The following ARPP21 variants were observed in gnomAD, a reference collection of about 807,000 sequenced individuals.
The protein encoded by ARPP21 is cAMP-regulated phosphoprotein 21.
In ARPP21, 69 loss-of-function variants were observed where a neutral mutation model predicts 113.2. The ratio of observed to expected loss-of-function variants is 0.61; its 90% CI spans 0.50 to 0.74. The LOEUF (loss-of-function observed/expected upper bound fraction) is 0.74, where lower values mean the gene tolerates loss of function less well. Among genes scored for constraint, ARPP21 ranks in the 30% least tolerant of loss-of-function variants. ARPP21 has a pLI of 0.00. For missense variants in ARPP21, 1,070 were observed against 1,037.4 expected, an observed-to-expected ratio of 1.03 and a Z score of -0.43; for synonymous variants, 368 against 375.5, an observed-to-expected ratio of 0.98 and a Z score of 0.23.
intron 11 of ARPP21, among the ~76,000 whole-genome samples, chr3:35,713,695 G>T (rs553211133): frequency 1.3e-5 from 2 of 152,198 alleles, no homozygotes; most frequent in South Asian, 4.2e-4. Flanking sequence ...CTTTGGCATG[G>T]GCAAGGTATC....
intron 19 of ARPP21, among the ~76,000 whole-genome samples, chr3:35,760,645 G>A (rs2095737824): frequency 6.6e-6 from 1 of 152,048 alleles, no homozygotes; most frequent in African/African-American, 2.4e-5. Context: ...GGAAGAATTT[G>A]GAGGCATTGT....
intron 1 of ARPP21, among the ~76,000 whole-genome samples, chr3:35,648,501 G>T (rs1337501138): frequency 6.6e-6 from 1 of 152,154 alleles, no homozygotes; most frequent in Admixed American, 6.5e-5. Context: ...TCACCAAGGG[G>T]TCCTTGGCAC....
chr3:35,778,748 C>T (rs752816440), intron 19 of ARPP21, among the ~76,000 whole-genome samples: 16 of 88,472 alleles, frequency 1.8e-4, no homozygotes, highest in East Asian at 3.2e-4. Context: ...TGGTCTGAAA[C>T]GATCTACACA....
chr3:35,777,476 T>C (rs963522963), intron 19 of ARPP21, among the ~76,000 whole-genome samples: 38 of 152,212 alleles, frequency 2.5e-4, no homozygotes, highest in Middle Eastern at 3.2e-3. Context: ...CAAAAATTCC[T>C]TAGATTTAAA....
At chr3:35,771,690 G>T (rs931645623) in intron 19 of ARPP21, among the ~76,000 whole-genome samples, 2 of 152,120 alleles carry the variant, frequency 1.3e-5, no homozygotes, top group African/African-American at 4.8e-5. Flanking sequence ...CATTTCTTAG[G>T]CACCTATTGT....
intron 19 of ARPP21, among the ~76,000 whole-genome samples, 185 bp downstream of exon 19, chr3:35,744,150 A>T (rs2094860918): frequency 6.6e-6 from 1 of 152,230 alleles, no homozygotes; most frequent in Non-Finnish European, 1.5e-5. Flanking sequence ...GGTGAAGCAT[A>T]TGTCAGACTA....
At chr3:35,788,342 T>C (rs2096673782) in intron 19 of ARPP21, among the ~76,000 whole-genome samples, 1 of 152,194 alleles carries the variant, frequency 6.6e-6, no homozygotes, top group African/African-American at 2.4e-5. Context: ...GGAGAAATAT[T>C]CGTATCTTGT....
intron 18 of ARPP21, among the ~76,000 whole-genome samples, chr3:35,741,989 G>A (rs2094692720): frequency 6.6e-6 from 1 of 151,832 alleles, no homozygotes; most frequent in Admixed American, 6.6e-5. Flanking sequence ...TATCACAGAA[G>A]CTATGTCTGG....
chr3:35,654,761 G>A (rs1575466077), intron 1 of ARPP21, among the ~76,000 whole-genome samples: 1 of 152,048 alleles, frequency 6.6e-6, no homozygotes, highest in East Asian at 1.9e-4. Context: ...AGGAAGTGGT[G>A]AGGATAACGG....
At chr3:35,739,722 A>G in intron 18 of ARPP21, 145 bp downstream of exon 18, 1 of 1,165,718 alleles carries the variant, frequency 8.6e-7, no homozygotes, top group Non-Finnish European at 1.2e-6. Flanking sequence ...GAAGTAGTAT[A>G]TTTTTTCATG....
chr3:35,780,987 A>G lies in ARPP21; in HGVS notation c.2138-11395A>G, dbSNP rs564430183. Among the ~76,000 whole-genome samples the G allele has an allele frequency of 7.2e-5, 11 of 152,192 alleles. No individual in the cohort carries two copies. In the South Asian group the frequency reaches 8.3e-4, roughly 11 times the overall value. ...GACCTGGCTGGGTGTGAATGGGCCT[A>G]CTATAGCACCCCTCAGTGAGTAGCC... On this transcript the variant is annotated intron_variant, in intron 19 of 20. Transcript: ENST00000684406.
At chr3:35,684,310 G>A (rs906628064) in intron 5 of ARPP21, 3 of 1,100,280 alleles carry the variant, frequency 2.7e-6, no homozygotes, top group Non-Finnish European at 3.3e-6. Flanking sequence ...CTTTGGTGGA[G>A]ATTTCTCAAT....
chr3:35,748,371 GGAAA>G (rs1384810994), intron 19 of ARPP21, among the ~76,000 whole-genome samples: 130 of 128,282 alleles, frequency 1.0e-3, no homozygotes, highest in African/African-American at 3.3e-3. Context: ...AGAAAGAAAA[GGAAA>G]GAAAGAAAGA....
intron 1 of ARPP21, among the ~76,000 whole-genome samples, chr3:35,677,444 G>C (rs1229458540): frequency 6.6e-6 from 1 of 151,782 alleles, no homozygotes; most frequent in African/African-American, 2.4e-5. Flanking sequence ...CTAAACTAAA[G>C]AAATAAGAAA....
chr3:35,692,692 A>G (rs956244047), intron 9 of ARPP21, among the ~76,000 whole-genome samples: 3 of 151,660 alleles, frequency 2.0e-5, no homozygotes, highest in African/African-American at 7.3e-5. Flanking sequence ...TAAGCATTAT[A>G]TCAAGACTCC....
chr3:35,756,093 T>A (rs890727441), intron 19 of ARPP21, among the ~76,000 whole-genome samples: 3 of 152,036 alleles, frequency 2.0e-5, no homozygotes, highest in Non-Finnish European at 4.4e-5. Flanking sequence ...ACCTCCTAGT[T>A]TGTCTATTCC....
intron 19 of ARPP21, among the ~76,000 whole-genome samples, chr3:35,768,088 G>A (rs1290014728): frequency 2.6e-5 from 1 of 38,358 alleles, no homozygotes; most frequent in Non-Finnish European, 5.2e-5. Flanking sequence ...CCGTGTGTGT[G>A]TGTGTGTGTG....
intron 14 of ARPP21, 34 bp from the exon 15 acceptor site, chr3:35,729,269 G>T (rs765076179): frequency 2.8e-5 from 41 of 1,454,630 alleles, no homozygotes; most frequent in Non-Finnish European, 3.8e-5. Context: ...ATCTCTGTGT[G>T]TTCAATGATT....
At chr3:35,733,298 A>G (rs2094123724) in intron 15 of ARPP21, among the ~76,000 whole-genome samples, 1 of 151,780 alleles carries the variant, frequency 6.6e-6, no homozygotes, top group Admixed American at 6.6e-5. Flanking sequence ...ACTACCCATT[A>G]TGCATGTTGA....
Sources: allele counts gnomAD v4.1 joint callset (sites outside exome capture counted in the v4.1 genomes callset), GRCh38; gene constraint gnomAD v4.1.1; transcripts MANE v1.5; gene names NCBI Gene and HGNC (gene_info 2026-07-23, HGNC 2026-07-21).